Variants in DDR2 observed in about 807,000 individuals in gnomAD.
DDR2 encodes discoidin domain receptor tyrosine kinase 2.
DDR2 carries 27 observed loss-of-function variants against 94.9 expected under a neutral mutation model. That is an observed-to-expected ratio of 0.28 (90% CI 0.21 to 0.39). DDR2 has a LOEUF of 0.39. Ranked by LOEUF, DDR2 falls within the 10% of genes least tolerant of loss-of-function variation. The pLI, the probability that DDR2 is intolerant of heterozygous loss-of-function variation, is 1.00. For missense variants in DDR2, 783 were observed against 1,076.0 expected, an observed-to-expected ratio of 0.73 and a Z score of 3.81; for synonymous variants, 382 against 377.2, an observed-to-expected ratio of 1.01 and a Z score of -0.15.
chr1:162,683,097 G>C (rs1659490606), intron 2 of DDR2, among the ~76,000 whole-genome samples: 1 of 151,550 alleles, frequency 6.6e-6, no homozygotes, highest in Non-Finnish European at 1.5e-5. Context: ...TTAAAATCAT[G>C]TGATTATATT....
chr1:162,673,663 GA>G (rs1658992726), intron 2 of DDR2, among the ~76,000 whole-genome samples: 1 of 151,164 alleles, frequency 6.6e-6, no homozygotes, highest in Non-Finnish European at 1.5e-5. Flanking sequence ...GAGAGAGCCA[GA>G]ATCTGTTTTT....
chr1:162,684,875 G>A (rs61811975), intron 2 of DDR2, among the ~76,000 whole-genome samples: 27,002 of 148,858 alleles, frequency 0.18, 3,014 homozygotes, highest in Middle Eastern at 0.25. Context: ...AGCACCCTTA[G>A]CACCATTGCT....
chr1:162,740,824 G>T lies in DDR2; in HGVS notation c.83-12271G>T, dbSNP rs968069174. 2.0e-5 allele frequency among the ~76,000 whole-genome samples: 3 copies of T among 152,094 alleles called. No homozygotes were observed. The South Asian group carries it at 6.2e-4, about 32-fold the overall frequency. Reference sequence around the variant, plus strand: ...GGGTTTGGAAAGCAATAAGCAAATGGGGTTGGAGATAGGACTGGACTCTGA... The same window carrying T: ...GGGTTTGGAAAGCAATAAGCAAATGTGGTTGGAGATAGGACTGGACTCTGA... On this transcript the variant is annotated intron_variant, in intron 3 of 17. Coordinates refer to ENST00000367921, the MANE Select transcript of DDR2 (RefSeq NM_006182.4).
chr1:162,721,560 T>G (rs1217422164), intron 3 of DDR2, among the ~76,000 whole-genome samples: 1 of 152,234 alleles, frequency 6.6e-6, no homozygotes, highest in Non-Finnish European at 1.5e-5. Flanking sequence ...TAGAATGTTA[T>G]AGCTTGCACA....
intron 12 of DDR2, among the ~76,000 whole-genome samples, 161 bp from the exon 13 acceptor site, chr1:162,771,863 A>C (rs1476708903): frequency 6.6e-6 from 1 of 152,254 alleles, no homozygotes; most frequent in Non-Finnish European, 1.5e-5. Context: ...AGGCCACAAG[A>C]AAATCTCTAG....
chr1:162,753,059 T>C (rs745767953), intron 3 of DDR2, 36 bp from the exon 4 acceptor site: 5 of 1,556,774 alleles, frequency 3.2e-6, no homozygotes, highest in Non-Finnish European at 4.4e-6. Flanking sequence ...AATAAAACCA[T>C]GTCCTCTCTT....
chr1:162,637,010 A>AT (rs1428404214), intron 1 of DDR2, among the ~76,000 whole-genome samples: 1 of 152,066 alleles, frequency 6.6e-6, no homozygotes, highest in African/African-American at 2.4e-5. Flanking sequence ...TCGCAGGTAT[A>AT]TTTTTTATCT....
Position 162,755,282 on chromosome 1 carries a change from C to T in DDR2, c.544C>T (p.Leu182Phe), listed in dbSNP as rs375797799. The T allele has an allele frequency of 2.5e-6, 4 of 1,613,874 alleles. No individual in the cohort carries two copies. The highest frequency in any genetic ancestry group is 2.2e-5 in the South Asian group (2 of 91,068). The change falls in exon 6 of 18, where the codon CTT becomes TTT. Residue 182 changes from leucine to phenylalanine, a missense_variant. Coordinates refer to ENST00000367921, the MANE Select transcript of DDR2 (RefSeq NM_006182.4). ...HSMNVCMRVE[L>F]YGCVWLDGLV... is the part of the protein sequence containing the mutation. ...CATGAATGTGTGTATGAGAGTGGAG[C>T]TTTACGGCTGTGTCTGGCTAGGTAG...
intron 2 of DDR2, among the ~76,000 whole-genome samples, chr1:162,684,053 A>C (rs1438361316): frequency 6.6e-6 from 1 of 152,194 alleles, no homozygotes; most frequent in Non-Finnish European, 1.5e-5. Context: ...GATCAAAGGA[A>C]TGCAATAAAG....
chr1:162,743,618 G>T (rs186900681), intron 3 of DDR2, among the ~76,000 whole-genome samples: 2 of 152,128 alleles, frequency 1.3e-5, no homozygotes, highest in South Asian at 4.1e-4. Context: ...GAACATAAAG[G>T]CCTGGCCACA....
In DDR2 at chr1:162,766,114, G is replaced by C. The variant is rs745865832; in HGVS notation, c.1162+51G>C. 3.8e-6 allele frequency: 6 copies of C among 1,595,268 alleles called. No individual in the cohort carries two copies. The South Asian group carries it at 4.4e-5, about 12-fold the overall frequency. On this transcript the variant is annotated intron_variant, in intron 10 of 17. Transcript: ENST00000367921. ...ATTAATTTGAAGGGACTTACTGGGG[G>C]ATGAAGAAGGGTGGAGAGTTGCAAA...
At chr1:162,674,858 A>C (rs576562036) in intron 2 of DDR2, among the ~76,000 whole-genome samples, 1 of 152,202 alleles carries the variant, frequency 6.6e-6, no homozygotes, top group Non-Finnish European at 1.5e-5. Flanking sequence ...GATTTGGATA[A>C]GAAGAGAAAC....
chr1:162,767,090 A>T (rs1664032112), intron 10 of DDR2, 139 bp from the exon 11 acceptor site: 1 of 1,281,004 alleles, frequency 7.8e-7, no homozygotes, highest in Non-Finnish European at 1.1e-6. Context: ...GAGCAAGAAT[A>T]AGCAGAAGTA....
At chr1:162,736,324 A>G (rs1322438936) in intron 3 of DDR2, among the ~76,000 whole-genome samples, 1 of 152,266 alleles carries the variant, frequency 6.6e-6, no homozygotes, top group African/African-American at 2.4e-5. Flanking sequence ...ATGAAGAAAC[A>G]GACCGAAAGA....
intron 11 of DDR2, among the ~76,000 whole-genome samples, chr1:162,769,951 G>A (rs1664183607): frequency 6.6e-6 from 1 of 152,072 alleles, no homozygotes; most frequent in Admixed American, 6.5e-5. Context: ...GGTAAGCCAG[G>A]AAAACCCATC....
intron 3 of DDR2, among the ~76,000 whole-genome samples, chr1:162,736,556 A>G (rs1343548147): frequency 6.6e-6 from 1 of 152,240 alleles, no homozygotes; most frequent in Admixed American, 6.5e-5. Flanking sequence ...GAAAATGCTT[A>G]TCATATTGCC....
intron 2 of DDR2, among the ~76,000 whole-genome samples, chr1:162,663,539 G>C (rs1658407895): frequency 6.6e-6 from 1 of 152,186 alleles, no homozygotes; most frequent in Admixed American, 6.5e-5. Context: ...GAATTTTGCT[G>C]TGAGAAAACT....
At chr1:162,755,589 C>A in intron 6 of DDR2, 75 bp from the exon 7 acceptor site, 1 of 1,392,676 alleles carries the variant, frequency 7.2e-7, no homozygotes, top group Non-Finnish European at 1.0e-6. Flanking sequence ...AAGCTTATAC[C>A]CTTGAAACTC....
At chr1:162,731,904 C>G (rs1380760744) in intron 3 of DDR2, among the ~76,000 whole-genome samples, 3 of 152,198 alleles carry the variant, frequency 2.0e-5, no homozygotes, top group Non-Finnish European at 4.4e-5. Context: ...ACCGTGGCCT[C>G]AGTTTTCTTC....
Sources: allele counts gnomAD v4.1 joint callset (sites outside exome capture counted in the v4.1 genomes callset), GRCh38; gene constraint gnomAD v4.1.1; transcripts MANE v1.5; gene names NCBI Gene and HGNC (gene_info 2026-07-23, HGNC 2026-07-21).